The following NECTIN2 variants were observed in gnomAD, a reference collection of about 807,000 sequenced individuals.
The protein encoded by NECTIN2 is nectin-2.
A neutral mutation model predicts 56.9 loss-of-function variants in NECTIN2; 23 were observed. That is an observed-to-expected ratio of 0.40 (90% CI 0.29 to 0.57). NECTIN2 has a LOEUF of 0.57. NECTIN2 is among the 20% of genes least tolerant of loss of function. The probability of loss-of-function intolerance (pLI) is 0.38; values close to 1 mark genes in which losing one functional copy is unlikely to be tolerated. For missense variants in NECTIN2, 587 were observed against 718.3 expected, an observed-to-expected ratio of 0.82 and a Z score of 2.09; for synonymous variants, 302 against 313.8, an observed-to-expected ratio of 0.96 and a Z score of 0.40.
rs756236143 is a variant in NECTIN2, at chr19:44,874,518, C to T, written c.1042+40C>T. 14 of 1,606,716 alleles carry T rather than the reference C, an allele frequency of 8.7e-6. No homozygotes were observed. The highest frequency in any genetic ancestry group is 4.4e-5 in the South Asian group (4 of 90,960). ...GGGGCCGTGTGTGGAGACCTGGGTC[C>T]GCTCCCCTGGAGTTCTGCCCTTCAG... On this transcript the variant is annotated intron_variant, in intron 5 of 8. Coordinates refer to ENST00000252483, the MANE Select transcript of NECTIN2 (RefSeq NM_001042724.2). The surrounding 1 kb of genome is among the most constrained non-coding windows in gnomAD (Gnocchi z 6.3).
In NECTIN2 at chr19:44,888,358, G is replaced by A; in HGVS notation, c.1596G>A (p.Met532Ile). Residue 532 changes from methionine (M) to isoleucine (I), a missense_variant, in exon 9 of 9, where the codon ATG becomes ATA. Physicochemically the swap from Met to Ile is conservative, Grantham distance 10 (BLOSUM62 1). Coordinates refer to ENST00000252483, the MANE Select transcript of NECTIN2 (RefSeq NM_001042724.2). ...SDSYQGKGFV[M>I]SRAMYV Reference sequence around the variant, plus strand: ...CCTACCAGGGCAAAGGCTTTGTCATGTCCCGGGCCATGTATGTGTGAGCTG... The same window carrying A: ...CCTACCAGGGCAAAGGCTTTGTCATATCCCGGGCCATGTATGTGTGAGCTG... 1 of 1,612,664 alleles carries A rather than the reference G, an allele frequency of 6.2e-7. No individual in the cohort carries two copies.
At chr19:44,883,314 G>A (rs887136779) in intron 6 of NECTIN2, among the ~76,000 whole-genome samples, 7 of 151,870 alleles carry the variant, frequency 4.6e-5, no homozygotes, top group South Asian at 2.1e-4. Context: ...TTGGTCTGTC[G>A]CCCTGGCTGG....
At chr19:44,851,174 GCT>G (rs1968895151) in intron 1 of NECTIN2, among the ~76,000 whole-genome samples, 1 of 131,370 alleles carries the variant, frequency 7.6e-6, no homozygotes, top group East Asian at 2.2e-4. Flanking sequence ...CCCCATCCCT[GCT>G]CTCTCAGACC....
chr19:44,865,226 TC>T lies in NECTIN2; in HGVS notation c.89-42del. On this transcript the variant is annotated intron_variant, in intron 1 of 8. Coordinates refer to ENST00000252483, the MANE Select transcript of NECTIN2 (RefSeq NM_001042724.2). The surrounding 1 kb of genome is among the most constrained non-coding windows in gnomAD (Gnocchi z 5.2). ...GTGGCCCTGCCTGGAGGTGTCTGGG[TC>T]CCTCCCCCACCCGACTACTTCACTC... 4.5e-6 allele frequency: 7 copies of T among 1,545,062 alleles called. No homozygotes were observed. Among genetic ancestry groups the T allele is most frequent in the Non-Finnish European group, 6.1e-6 (7 of 1,140,082 alleles).
chr19:44,848,635 C>A (rs1269854944), intron 1 of NECTIN2, among the ~76,000 whole-genome samples: 1 of 151,560 alleles, frequency 6.6e-6, no homozygotes, highest in Non-Finnish European at 1.5e-5. Flanking sequence ...CTGCTGTCCA[C>A]TGGCTGGCCG....
intron 5 of NECTIN2, among the ~76,000 whole-genome samples, chr19:44,877,010 C>T (rs1220749513): frequency 6.6e-6 from 1 of 152,152 alleles, no homozygotes; most frequent in East Asian, 1.9e-4. Context: ...GTGACCAGCA[C>T]AGGAGAAAAA....
chr19:44,873,606 C>G (rs1568595853), intron 3 of NECTIN2, among the ~76,000 whole-genome samples: 1 of 151,658 alleles, frequency 6.6e-6, no homozygotes, highest in African/African-American at 2.4e-5. Flanking sequence ...GCTCTCCATC[C>G]TGGGCAACAG....
In NECTIN2 at chr19:44,888,624, A is replaced by G; in HGVS notation, c.*245A>G. 1 of 544,668 alleles carries G rather than the reference A, an allele frequency of 1.8e-6. No individual in the cohort carries two copies. Among genetic ancestry groups the G allele is most frequent in the South Asian group, 2.5e-5 (1 of 40,132 alleles). The allele number at this position is 544,668 out of a possible 1,614,324, so 33.7% of individuals were successfully genotyped here. ...GGAGGTGGGGAAGGTGCTTCTGCAC[A>G]ACCTCTGATCCCAAGGACTCCTCTC... On this transcript the variant is annotated 3_prime_UTR_variant, in exon 9 of 9. Coordinates refer to ENST00000252483, the MANE Select transcript of NECTIN2 (RefSeq NM_001042724.2).
intron 1 of NECTIN2, among the ~76,000 whole-genome samples, chr19:44,851,071 C>T (rs1968893664): frequency 6.6e-6 from 1 of 151,818 alleles, no homozygotes; most frequent in Non-Finnish European, 1.5e-5. Context: ...GCCTCTCCTC[C>T]CTCAGACCCA....
intron 5 of NECTIN2, among the ~76,000 whole-genome samples, chr19:44,881,403 G>A (rs1161603202): frequency 1.3e-5 from 2 of 151,952 alleles, no homozygotes; most frequent in Non-Finnish European, 2.9e-5. Flanking sequence ...ACAATACAAG[G>A]CAGGCCGAGC....
rs184063311 is a variant in NECTIN2 at position 44,875,947 on chromosome 19, G to A, written c.1042+1469G>A. ...TGCACATAAGTCCCCGGAGGAAGAC[G>A]TCACACAGACACGCTGGGGGCAAAA... is the stretch of plus-strand genomic sequence containing the variant. On this transcript the variant is annotated intron_variant, in intron 5 of 8. Coordinates refer to ENST00000252483, the MANE Select transcript of NECTIN2 (RefSeq NM_001042724.2). This position sits in a 1 kb window ranked among gnomAD's most constrained non-coding sequence, Gnocchi z 4.2. 2.0e-5 allele frequency among the ~76,000 whole-genome samples: 3 copies of A among 152,228 alleles called. No homozygotes were observed. The highest frequency in any genetic ancestry group is 1.9e-4 in the East Asian group (1 of 5,166).
At chr19:44,858,631 T>G (rs1968997492) in intron 1 of NECTIN2, among the ~76,000 whole-genome samples, 1 of 149,448 alleles carries the variant, frequency 6.7e-6, no homozygotes, top group South Asian at 2.1e-4. Flanking sequence ...GCCTTTTTTC[T>G]TTCTTTCTTT....
chr19:44,861,389 CAACTT>C (rs1396132874), intron 1 of NECTIN2, among the ~76,000 whole-genome samples: 2 of 152,202 alleles, frequency 1.3e-5, no homozygotes, highest in Non-Finnish European at 2.9e-5. Context: ...GATATGGAAT[CAACTT>C]AAGTGTCCAT....
At chr19:44,871,682 G>A (rs182748537) in intron 2 of NECTIN2, among the ~76,000 whole-genome samples, 171 bp from the exon 3 acceptor site, 6 of 152,058 alleles carry the variant, frequency 3.9e-5, no homozygotes, top group African/African-American at 1.4e-4. Flanking sequence ...TACAAAACAA[G>A]AAACAGCTAC....
rs1969232456 is a variant in NECTIN2 at position 44,875,986 on chromosome 19, G to T, written c.1042+1508G>T. ...CTGGGGGCAAAACTAATCCAGGACAGCAACGGCTGCACACGGAGGAATGTC... is the reference window on the plus strand; with the variant it reads ...CTGGGGGCAAAACTAATCCAGGACATCAACGGCTGCACACGGAGGAATGTC... On this transcript the variant is annotated intron_variant, in intron 5 of 8. Coordinates refer to ENST00000252483, the MANE Select transcript of NECTIN2 (RefSeq NM_001042724.2). This position sits in a 1 kb window ranked among gnomAD's most constrained non-coding sequence, Gnocchi z 4.2. Among the ~76,000 whole-genome samples, 2 of 152,144 alleles carry T rather than the reference G, an allele frequency of 1.3e-5. No individual in the cohort carries two copies. Among genetic ancestry groups the T allele is most frequent in the Non-Finnish European group, 2.9e-5 (2 of 68,032 alleles).
At chr19:44,864,268 G>T (rs954711618) in intron 1 of NECTIN2, among the ~76,000 whole-genome samples, 1 of 152,044 alleles carries the variant, frequency 6.6e-6, no homozygotes. Context: ...CAGTGAGCTG[G>T]GTGGCCCACT....
At chr19:44,866,748 G>C (rs1969105746) in intron 2 of NECTIN2, among the ~76,000 whole-genome samples, 1 of 152,082 alleles carries the variant, frequency 6.6e-6, no homozygotes, top group Admixed American at 6.6e-5. Flanking sequence ...TTTGCCCAGG[G>C]AGGATAAGAG....
rs1028043083 is a variant in NECTIN2, at chr19:44,875,067, C to T, written c.1042+589C>T. On this transcript the variant is annotated intron_variant, in intron 5 of 8. Coordinates refer to ENST00000252483, the MANE Select transcript of NECTIN2 (RefSeq NM_001042724.2). This position sits in a 1 kb window ranked among gnomAD's most constrained non-coding sequence, Gnocchi z 4.2. ...GGGCCAGAGACCCCTCCTGTCAGAGCCACAGCTGGCAGGATCCACAGCCAC... is the reference window on the plus strand; with the variant it reads ...GGGCCAGAGACCCCTCCTGTCAGAGTCACAGCTGGCAGGATCCACAGCCAC... 4.6e-5 allele frequency among the ~76,000 whole-genome samples: 7 copies of T among 152,144 alleles called. No homozygotes were observed. The highest frequency in any genetic ancestry group is 7.4e-5 in the Non-Finnish European group (5 of 68,014).
rs1386334783 is a variant in NECTIN2 at position 44,871,704 on chromosome 19, A to G, written c.479-149A>G. On this transcript the variant is annotated intron_variant, in intron 2 of 8. Transcript: ENST00000252483. ...CAAGAAACAGCTACAGAGTTGCAAA[A>G]CCACTTATCCCAAGCCAGGCCGCTG... 3 of 858,664 alleles carry G rather than the reference A, an allele frequency of 3.5e-6. No homozygotes were observed. The Admixed American group carries it at 8.8e-5, about 25-fold the overall frequency. The allele number at this position is 858,664 out of a possible 1,614,324, so 53.2% of individuals were successfully genotyped here. A position where few individuals can be genotyped will look rare whatever the true frequency, so the allele number is the denominator to read the frequency against.
Sources: gnomAD v4.1 joint callset for allele counts (sites outside exome capture counted in the v4.1 genomes callset) on GRCh38, gnomAD v4.1.1 for gene constraint, Gnocchi (gnomAD v3.1) non-coding constraint, MANE v1.5 for transcripts, NCBI Gene and HGNC (gene_info 2026-07-23, HGNC 2026-07-21) for gene names.